Variants in UBE2E3 observed in about 807,000 individuals in gnomAD.
UBE2E3 encodes the protein ubiquitin conjugating enzyme E2 E3.
Under a neutral mutation model 23.6 loss-of-function variants are expected in UBE2E3, and 5 were observed. That is an observed-to-expected ratio of 0.21 (90% CI 0.11 to 0.44). UBE2E3 has a LOEUF of 0.44. Ranked by LOEUF, UBE2E3 falls within the 20% of genes least tolerant of loss-of-function variation. The probability of loss-of-function intolerance (pLI) is 0.99; values close to 1 mark genes in which losing one functional copy is unlikely to be tolerated. For synonymous variants in UBE2E3, 78 were observed against 87.5 expected, an observed-to-expected ratio of 0.89 and a Z score of 0.60; for missense variants, 81 against 249.8, an observed-to-expected ratio of 0.32 and a Z score of 4.55.
chr2:181,033,132 C>A (rs534891946), intron 3 of UBE2E3, among the ~76,000 whole-genome samples: 1 of 152,288 alleles, frequency 6.6e-6, no homozygotes, highest in South Asian at 2.1e-4. Flanking sequence ...TCAATGCCAT[C>A]CCCATCAAGG....
At chr2:180,998,404 G>A (rs1684894251) in intron 3 of UBE2E3, among the ~76,000 whole-genome samples, 1 of 151,530 alleles carries the variant, frequency 6.6e-6, no homozygotes, top group South Asian at 2.1e-4. Flanking sequence ...AGTGTGAGAA[G>A]CAGTACTCTG....
At chr2:181,007,696 A>T (rs1401126) in intron 3 of UBE2E3, among the ~76,000 whole-genome samples, 1 of 151,944 alleles carries the variant, frequency 6.6e-6, no homozygotes, top group East Asian at 1.9e-4. Context: ...AGGGGGCCCA[A>T]CAGTGAATGG....
At chr2:180,990,189 G>A (rs1574158303) in intron 3 of UBE2E3, 6 of 521,786 alleles carry the variant, frequency 1.1e-5, no homozygotes, top group East Asian at 3.2e-5. Context: ...CAGGCTAGGC[G>A]ACAATTGGTA....
intron 3 of UBE2E3, among the ~76,000 whole-genome samples, chr2:181,046,206 A>G (rs903298643): frequency 2.6e-5 from 4 of 152,194 alleles, no homozygotes; most frequent in Non-Finnish European, 4.4e-5. Context: ...CCAAGGAAAA[A>G]GATCTTCCAT....
intron 3 of UBE2E3, among the ~76,000 whole-genome samples, chr2:181,024,107 C>G (rs1685799422): frequency 6.6e-6 from 1 of 152,044 alleles, no homozygotes; most frequent in South Asian, 2.1e-4. Context: ...CATGTATGTT[C>G]AGTCCTTCAC....
At chr2:181,027,708 C>T (rs972102510) in intron 3 of UBE2E3, among the ~76,000 whole-genome samples, 2 of 151,802 alleles carry the variant, frequency 1.3e-5, no homozygotes, top group African/African-American at 2.4e-5. Context: ...CAAATTCTCT[C>T]CTAGTGTCGT....
intron 3 of UBE2E3, among the ~76,000 whole-genome samples, chr2:180,984,339 G>T: frequency 6.6e-6 from 1 of 152,116 alleles, no homozygotes; most frequent in East Asian, 1.9e-4. Flanking sequence ...CATATGAATG[G>T]TGCTGATTTT....
intron 3 of UBE2E3, among the ~76,000 whole-genome samples, chr2:181,022,881 T>G (rs1685753497): frequency 6.6e-6 from 1 of 152,058 alleles, no homozygotes; most frequent in Non-Finnish European, 1.5e-5. Flanking sequence ...TAGTATTGAT[T>G]TTTGGCTTAC....
intron 3 of UBE2E3, among the ~76,000 whole-genome samples, chr2:181,004,643 G>A (rs1011238282): frequency 6.6e-6 from 1 of 151,804 alleles, no homozygotes; most frequent in Non-Finnish European, 1.5e-5. Context: ...AAAAAAAAAA[G>A]AATTGCGTTA....
intron 3 of UBE2E3, among the ~76,000 whole-genome samples, chr2:181,040,726 C>G (rs1686462553): frequency 6.6e-6 from 1 of 152,114 alleles, no homozygotes; most frequent in Non-Finnish European, 1.5e-5. Flanking sequence ...AAGGAAATCA[C>G]TTTTTAGTAG....
At position 180,982,247 on chromosome 2, in the gene UBE2E3, A is replaced by T; in HGVS notation, c.194+11A>T. On this transcript the variant is annotated intron_variant, in intron 2 of 5. Coordinates refer to ENST00000410062, the MANE Select transcript of UBE2E3 (RefSeq NM_006357.4). ...CACTAGTGCTAAAAGGTAATGTGTAAAAGAAGGATCCAGCACACTTTGTCA... is the reference window on the plus strand; with the variant it reads ...CACTAGTGCTAAAAGGTAATGTGTATAAGAAGGATCCAGCACACTTTGTCA... 1.9e-6 allele frequency: 3 copies of T among 1,610,060 alleles called. No homozygotes were observed. Among genetic ancestry groups the T allele is most frequent in the Non-Finnish European group, 1.7e-6 (2 of 1,177,914 alleles).
At chr2:181,055,864 A>T (rs982380727) in intron 3 of UBE2E3, among the ~76,000 whole-genome samples, 2 of 151,718 alleles carry the variant, frequency 1.3e-5, no homozygotes, top group African/African-American at 4.8e-5. Flanking sequence ...ACAAGTAATT[A>T]TGAGTTTAGA....
At chr2:181,015,776 A>G (rs1055177169) in intron 3 of UBE2E3, among the ~76,000 whole-genome samples, 3 of 152,152 alleles carry the variant, frequency 2.0e-5, no homozygotes, top group Admixed American at 6.5e-5. Context: ...AGAAGCCTGG[A>G]CTGGAGTATA....
intron 5 of UBE2E3, 36 bp from the exon 6 acceptor site, chr2:181,062,755 A>G (rs1291188075): frequency 7.3e-7 from 1 of 1,364,828 alleles, no homozygotes; most frequent in Non-Finnish European, 1.0e-6. Flanking sequence ...AGAAGATACC[A>G]CAAAATAGCT....
chr2:181,042,850 A>G (rs1400389860), intron 3 of UBE2E3, among the ~76,000 whole-genome samples: 1 of 152,212 alleles, frequency 6.6e-6, no homozygotes, highest in Non-Finnish European at 1.5e-5. Flanking sequence ...GTGCCATCAC[A>G]TACAGATGGA....
intron 5 of UBE2E3, 52 bp downstream of exon 5, chr2:181,060,864 T>TGG: frequency 1.2e-5 from 1 of 83,916 alleles, no homozygotes. Context: ...ACGAGTGCTT[T>TGG]TTTTTTTTTT....
intron 3 of UBE2E3, among the ~76,000 whole-genome samples, chr2:181,022,372 C>T (rs1453361449): frequency 1.3e-5 from 2 of 150,232 alleles, no homozygotes; most frequent in Admixed American, 6.6e-5. Context: ...TGTCAAACAC[C>T]GAATTAGCGA....
At chr2:181,060,251 A>G (rs1021756574) in intron 4 of UBE2E3, among the ~76,000 whole-genome samples, 1 of 151,482 alleles carries the variant, frequency 6.6e-6, no homozygotes, top group Admixed American at 6.6e-5. Context: ...AACTGATGTA[A>G]CTTTTATGTT....
At chr2:181,041,736 C>G (rs531168621) in intron 3 of UBE2E3, among the ~76,000 whole-genome samples, 1 of 152,280 alleles carries the variant, frequency 6.6e-6, no homozygotes, top group African/African-American at 2.4e-5. Context: ...TTGCACACTG[C>G]TCACAAAAAC....
Sources: gnomAD v4.1 joint callset for allele counts (sites outside exome capture counted in the v4.1 genomes callset) on GRCh38, gnomAD v4.1.1 for gene constraint, MANE v1.5 for transcripts, NCBI Gene and HGNC (gene_info 2026-07-23, HGNC 2026-07-21) for gene names.